PGBD5: variants seen among roughly 807,000 people sequenced by gnomAD.
The protein encoded by PGBD5 is piggyBac transposable element derived 5.
PGBD5 carries 14 observed loss-of-function variants against 47.9 expected under a neutral mutation model. That is an observed-to-expected ratio of 0.29 (90% CI 0.19 to 0.46). The LOEUF (loss-of-function observed/expected upper bound fraction) is 0.46. Among genes scored for constraint, PGBD5 ranks in the 20% least tolerant of loss-of-function variants. The probability of loss-of-function intolerance (pLI) is 1.00; values close to 1 mark genes in which losing one functional copy is unlikely to be tolerated. For missense variants in PGBD5, 635 were observed against 716.0 expected (o/e 0.89, Z 1.29); for synonymous variants, 316 against 306.3 (o/e 1.03, Z -0.33).
Position 230,423,684 on chromosome 1 carries a change from T to C in PGBD5, c.331+1914A>G, listed in dbSNP as rs76215028. 6.4e-3 allele frequency among the ~76,000 whole-genome samples: 974 copies of C among 152,250 alleles called. 14 individuals carry two copies. Among genetic ancestry groups the C allele is most frequent in the African/African-American group, 0.022 (923 of 41,522 alleles). The stretch of plus-strand genomic sequence containing the variant: ...CTCCAAATTTCCCTCAGGGAGAAAT[T>C]TGCAAAGAGGAAATTCTAAATCAGA... On this transcript the variant is annotated intron_variant, in intron 1 of 6. Coordinates refer to ENST00000391860, the MANE Select transcript of PGBD5 (RefSeq NM_001258311.2).
chr1:230,319,504 G>A lies in PGBD5; in HGVS notation c.*3921C>T, dbSNP rs1383634078. The stretch of plus-strand genomic sequence containing the variant: ...AGTTGCAAGGCCCCATGGCCCTCCC[G>A]GGTTTGCCCTGCTTCCTCTCAGCCT... On this transcript the variant is annotated 3_prime_UTR_variant, in exon 7 of 7. Transcript: ENST00000391860. 4 of 152,018 alleles carry A rather than the reference G, an allele frequency of 2.6e-5. No homozygotes were observed. The highest frequency in any genetic ancestry group is 5.9e-5 in the Non-Finnish European group (4 of 67,998). The allele number at this position is 152,018 out of a possible 1,614,324, so 9.4% of individuals were successfully genotyped here.
At chr1:230,350,802 C>G (rs749964123) in intron 3 of PGBD5, among the ~76,000 whole-genome samples, 156 bp downstream of exon 3, 1 of 152,190 alleles carries the variant, frequency 6.6e-6, no homozygotes, top group Non-Finnish European at 1.5e-5. Flanking sequence ...AGGGAGCAGC[C>G]CAGCCCTGGC....
chr1:230,365,572 CA>C (rs1464088789), intron 1 of PGBD5, among the ~76,000 whole-genome samples: 1 of 152,208 alleles, frequency 6.6e-6, no homozygotes, highest in Non-Finnish European at 1.5e-5. Context: ...CTTCCACCTG[CA>C]GATGACCTAC....
At chr1:230,364,535 A>G (rs1433149972) in intron 1 of PGBD5, among the ~76,000 whole-genome samples, 1 of 152,250 alleles carries the variant, frequency 6.6e-6, no homozygotes, top group African/African-American at 2.4e-5. Context: ...TTAGGAATAG[A>G]GAAGGTACAC....
chr1:230,390,524 C>T (rs1004832337), intron 1 of PGBD5, among the ~76,000 whole-genome samples: 2 of 152,134 alleles, frequency 1.3e-5, no homozygotes, highest in African/African-American at 2.4e-5. Flanking sequence ...AGGGTGAGGG[C>T]AAACTCAAGT....
chr1:230,387,426 A>G (rs959127346), intron 1 of PGBD5, among the ~76,000 whole-genome samples: 8 of 152,358 alleles, frequency 5.3e-5, no homozygotes, highest in African/African-American at 1.9e-4. Flanking sequence ...AGGTGGCCCC[A>G]AACAGGCTGC....
chr1:230,401,119 C>A (rs1343148367), intron 1 of PGBD5, among the ~76,000 whole-genome samples: 3 of 152,194 alleles, frequency 2.0e-5, no homozygotes, highest in African/African-American at 2.4e-5. Context: ...AAGGCACAGC[C>A]CTACGCAGAT....
intron 3 of PGBD5, among the ~76,000 whole-genome samples, chr1:230,339,817 G>A (rs1667383507): frequency 6.6e-6 from 1 of 152,196 alleles, no homozygotes; most frequent in Non-Finnish European, 1.5e-5. Context: ...AGGAGAGAGT[G>A]GAATGGTGGT....
In PGBD5 at chr1:230,425,048, G is replaced by C. The variant is rs1009220959; in HGVS notation, c.331+550C>G. 6.6e-6 allele frequency among the ~76,000 whole-genome samples: 1 copy of C among 152,112 alleles called. No individual in the cohort carries two copies. Among genetic ancestry groups the C allele is most frequent in the Non-Finnish European group, 1.5e-5 (1 of 68,030 alleles). Reference sequence around the variant, plus strand: ...CTTAACAAGAGATCTGGAATGGCGCGGACAGGGAAAGTTTCTCAGATTAAG... The same window carrying C: ...CTTAACAAGAGATCTGGAATGGCGCCGACAGGGAAAGTTTCTCAGATTAAG... On this transcript the variant is annotated intron_variant, in intron 1 of 6. Coordinates refer to ENST00000391860, the MANE Select transcript of PGBD5 (RefSeq NM_001258311.2). The surrounding 1 kb of genome is among the most constrained non-coding windows in gnomAD (Gnocchi z 4.7).
chr1:230,368,397 G>C (rs1296024542), intron 1 of PGBD5, among the ~76,000 whole-genome samples: 4 of 152,258 alleles, frequency 2.6e-5, no homozygotes, highest in African/African-American at 7.2e-5. Context: ...AAGTCAGCAG[G>C]GATTGGGATT....
At chr1:230,414,518 G>A (rs981247790) in intron 1 of PGBD5, among the ~76,000 whole-genome samples, 5 of 152,168 alleles carry the variant, frequency 3.3e-5, no homozygotes, top group African/African-American at 1.2e-4. Flanking sequence ...GTTTACCCTT[G>A]CTATTATTTA....
intron 1 of PGBD5, among the ~76,000 whole-genome samples, chr1:230,389,065 G>C (rs1159779380): frequency 6.6e-6 from 1 of 152,208 alleles, no homozygotes. Flanking sequence ...AGGAGACAAG[G>C]TATGTGGGCC....
At chr1:230,421,096 C>T (rs1459190383) in intron 1 of PGBD5, among the ~76,000 whole-genome samples, 1 of 152,160 alleles carries the variant, frequency 6.6e-6, no homozygotes, top group Non-Finnish European at 1.5e-5. Context: ...AAAGCCCCAC[C>T]TCCTGAAAAA....
chr1:230,332,882 A>C lies in PGBD5; in HGVS notation c.1235T>G (p.Phe412Cys). Residue 412 changes from phenylalanine (F) to cysteine (C), a missense_variant, in exon 5 of 7, where the codon TTC becomes TGC. Physicochemically the swap from Phe to Cys is radical, Grantham distance 205. Coordinates refer to ENST00000391860, the MANE Select transcript of PGBD5 (RefSeq NM_001258311.2). ...SLICWYNKGH[F>C]RFLTNAYSPV... ...GGAGTAGGCGTTGGTCAGGAAGCGG[A>C]AGTGTCCTTTGTTGTACCAGCAGAT... 1 of 1,614,176 alleles carries C rather than the reference A, an allele frequency of 6.2e-7. No homozygotes were observed. Among genetic ancestry groups the C allele is most frequent in the South Asian group, 1.1e-5 (1 of 91,084 alleles).
chr1:230,401,254 C>T (rs1657131571), intron 1 of PGBD5, among the ~76,000 whole-genome samples: 1 of 152,242 alleles, frequency 6.6e-6, no homozygotes, highest in South Asian at 2.1e-4. Flanking sequence ...TGGCTCCACC[C>T]CTCACATGCT....
chr1:230,341,093 C>T (rs777842020), intron 3 of PGBD5, among the ~76,000 whole-genome samples: 5 of 152,056 alleles, frequency 3.3e-5, no homozygotes, highest in Non-Finnish European at 7.4e-5. Context: ...CAATGAGAGT[C>T]CAAAGAGAGT....
intron 2 of PGBD5, 74 bp downstream of exon 2, chr1:230,356,820 C>G (rs1667654042): frequency 6.6e-7 from 1 of 1,521,552 alleles, no homozygotes; most frequent in Non-Finnish European, 8.9e-7. Flanking sequence ...ACCCCAAAGC[C>G]CTGCCAACAG....
chr1:230,327,227 T>C (rs912004658), intron 5 of PGBD5, among the ~76,000 whole-genome samples: 12 of 151,764 alleles, frequency 7.9e-5, no homozygotes, highest in Non-Finnish European at 2.9e-5. Context: ...TTTTTTTTTT[T>C]AAGGCATTGG....
In PGBD5 at chr1:230,356,969, C is replaced by T. The variant is rs1667657046; in HGVS notation, c.684G>A (p.Gly228=). ...VAFRSSQTTH[G]LYKVQPFLDS... ...CGAGGAAGGGCTGGACCTTGTAGAG[C>T]CCGTGCGTGGTCTGGCTGGAGCGGA... The change falls in exon 2 of 7, where the codon GGG becomes GGA. Residue 228 remains glycine (G), a synonymous_variant. Coordinates refer to ENST00000391860, the MANE Select transcript of PGBD5 (RefSeq NM_001258311.2). 2.5e-6 allele frequency: 4 copies of T among 1,614,166 alleles called. No individual in the cohort carries two copies. The highest frequency in any genetic ancestry group is 3.4e-6 in the Non-Finnish European group (4 of 1,180,040).
Sources: allele counts gnomAD v4.1 joint callset (sites outside exome capture counted in the v4.1 genomes callset), GRCh38; gene constraint gnomAD v4.1.1; non-coding constraint Gnocchi (gnomAD v3.1); transcripts MANE v1.5; gene names NCBI Gene and HGNC (gene_info 2026-07-23, HGNC 2026-07-21).